Variants in HACE1 observed in about 807,000 individuals in gnomAD.
HACE1 encodes the protein HECT domain and ankyrin repeat containing E3 ubiquitin protein ligase 1.
Under a neutral mutation model 118.4 loss-of-function variants are expected in HACE1, and 73 were observed. The observed-to-expected ratio is 0.62, with a 90% CI of 0.51 to 0.75. The LOEUF is 0.75. Among genes scored for constraint, HACE1 ranks in the 30% least tolerant of loss-of-function variants. The pLI is 0.00. For synonymous variants in HACE1, 368 were observed against 374.8 expected, an observed-to-expected ratio of 0.98 and a Z score of 0.21; for missense variants, 749 against 1,102.2, an observed-to-expected ratio of 0.68 and a Z score of 4.54.
intron 19 of HACE1, among the ~76,000 whole-genome samples, chr6:104,752,069 T>C (rs921348062): frequency 2.6e-5 from 4 of 151,966 alleles, no homozygotes; most frequent in African/African-American, 9.7e-5. Context: ...AGTGTCACAG[T>C]AGATTCCATA....
At chr6:104,787,022 C>T (rs910704723) in intron 11 of HACE1, 1 of 152,190 alleles carries the variant, frequency 6.6e-6, no homozygotes, top group Non-Finnish European at 1.5e-5. Flanking sequence ...TTCAGCCTTT[C>T]TTCAGATTTC....
At chr6:104,751,562 C>T (rs948439473) in intron 19 of HACE1, among the ~76,000 whole-genome samples, 8 of 152,016 alleles carry the variant, frequency 5.3e-5, no homozygotes, top group African/African-American at 1.7e-4. Flanking sequence ...CCCAGGAGTT[C>T]GAGTCTGCAG....
intron 12 of HACE1, among the ~76,000 whole-genome samples, 195 bp from the exon 13 acceptor site, chr6:104,784,680 G>A (rs991745970): frequency 2.0e-5 from 3 of 151,988 alleles, no homozygotes; most frequent in African/African-American, 7.2e-5. Context: ...CTTCTCATCA[G>A]CAGACGATAT....
At chr6:104,789,623 A>G (rs1396709878) in intron 11 of HACE1, among the ~76,000 whole-genome samples, 1 of 152,162 alleles carries the variant, frequency 6.6e-6, no homozygotes, top group Admixed American at 6.5e-5. Context: ...TAAATCACCT[A>G]TAGAGAGGCT....
chr6:104,785,074 A>G lies in HACE1; in HGVS notation c.1320T>C (p.Asp440=). Reference sequence around the variant, plus strand: ...CTGTCATAGAAATAACATCCTGACAATCTGCACTGGCTTCCTGTCTCCCTG... The same window carrying G: ...CTGTCATAGAAATAACATCCTGACAGTCTGCACTGGCTTCCTGTCTCCCTG... ...ALAGRQEASA[D]CQDVISMTAN... Residue 440 remains aspartate (D), a synonymous_variant, in exon 12 of 24, where the codon GAT becomes GAC. Coordinates refer to ENST00000262903, the MANE Select transcript of HACE1 (RefSeq NM_020771.4). 3 of 1,613,822 alleles carry G rather than the reference A, an allele frequency of 1.9e-6. No homozygotes were observed. The highest frequency in any genetic ancestry group is 2.5e-6 in the Non-Finnish European group (3 of 1,179,860).
intron 1 of HACE1, among the ~76,000 whole-genome samples, chr6:104,855,652 G>A (rs1054058769): frequency 6.6e-6 from 1 of 151,932 alleles, no homozygotes; most frequent in African/African-American, 2.4e-5. Flanking sequence ...GTCACCACCA[G>A]GAGTTGAAAA....
chr6:104,742,865 A>G (rs1776927616), intron 22 of HACE1, among the ~76,000 whole-genome samples: 1 of 152,046 alleles, frequency 6.6e-6, no homozygotes, highest in South Asian at 2.1e-4. Flanking sequence ...ATGCACACAT[A>G]TGTTTATTGC....
intron 19 of HACE1, among the ~76,000 whole-genome samples, chr6:104,765,037 A>C (rs1338717161): frequency 1.3e-5 from 2 of 152,246 alleles, no homozygotes; most frequent in East Asian, 3.8e-4. Context: ...CAGTCTATGC[A>C]ACAAAGTGTT....
rs1771789531 is a variant in HACE1, at chr6:104,812,994, C to T, written c.535-1601G>A. ...AGGCTCTGGACTGGGAGACAAGACACACAGGTAGAGCAAAGATGAGGAGCC... is the reference window on the plus strand; with the variant it reads ...AGGCTCTGGACTGGGAGACAAGACATACAGGTAGAGCAAAGATGAGGAGCC... On this transcript the variant is annotated intron_variant, in intron 6 of 23. Coordinates refer to ENST00000262903, the MANE Select transcript of HACE1 (RefSeq NM_020771.4). Among the ~76,000 whole-genome samples, 2 of 87,750 alleles carry T rather than the reference C, an allele frequency of 2.3e-5. 1 individual carries two copies. The highest frequency in any genetic ancestry group is 5.7e-4 in the South Asian group (2 of 3,490). The allele number at this position is 87,750 out of a possible 152,430, so 57.6% of individuals were successfully genotyped here.
intron 5 of HACE1, among the ~76,000 whole-genome samples, chr6:104,840,764 G>C (rs193090262): frequency 5.0e-4 from 76 of 152,284 alleles, no homozygotes; most frequent in Non-Finnish European, 8.7e-4. Flanking sequence ...AGGAGTTCAA[G>C]ACCAGCCTGA....
intron 19 of HACE1, among the ~76,000 whole-genome samples, chr6:104,758,231 C>A (rs1778932797): frequency 6.6e-6 from 1 of 152,002 alleles, no homozygotes; most frequent in African/African-American, 2.4e-5. Flanking sequence ...AGAGCAACCC[C>A]AAGACATATA....
intron 22 of HACE1, among the ~76,000 whole-genome samples, chr6:104,738,869 G>C (rs1776265270): frequency 6.6e-6 from 1 of 151,108 alleles, no homozygotes; most frequent in Non-Finnish European, 1.5e-5. Context: ...ATAACTGTCA[G>C]ATTCACCAAA....
Position 104,784,132 on chromosome 6 carries a change from T to A in HACE1, c.1520A>T (p.Glu507Val), listed in dbSNP as rs201177284. Residue 507 changes from glutamate to valine, a missense_variant, in exon 14 of 24, where the codon GAA becomes GTA. Physicochemically the swap from Glu to Val is moderately radical, Grantham distance 121 (BLOSUM62 -2). This residue lies in a region of HACE1 where 195 missense variants were observed against 322.1 expected (regional missense o/e 0.61). Transcript: ENST00000262903. Reference protein sequence around the residue: ...IIFDHFHFLLECPELMSRFMH... With the variant: ...IIFDHFHFLLVCPELMSRFMH... ...GAATCTTGACATCAACTCAGGACAT[T>A]CAAGGAGAAAGTGAAAGTGGTCAAA... 20 of 1,603,190 alleles carry A rather than the reference T, an allele frequency of 1.2e-5. No homozygotes were observed. The highest frequency in any genetic ancestry group is 1.7e-5 in the Non-Finnish European group (20 of 1,170,368).
intron 14 of HACE1, among the ~76,000 whole-genome samples, chr6:104,781,989 A>G (rs558724367): frequency 7.3e-5 from 11 of 150,828 alleles, no homozygotes; most frequent in Non-Finnish European, 1.3e-4. Context: ...AAGCAGAGAC[A>G]GTATTAGGTT....
rs140136704 is a variant in HACE1 at position 104,808,820 on chromosome 6, G to A, written c.617+2491C>T. On this transcript the variant is annotated intron_variant, in intron 7 of 23. Coordinates refer to ENST00000262903, the MANE Select transcript of HACE1 (RefSeq NM_020771.4). ...AGATATCACAAGTAAAATTAAAAGT[G>A]TGCCTGCAGAAGAACCATGTTCCAT... Among the ~76,000 whole-genome samples, 719 of 152,216 alleles carry A rather than the reference G, an allele frequency of 4.7e-3. 4 individuals carry two copies. Among genetic ancestry groups the A allele is most frequent in the South Asian group, 0.012 (57 of 4,822 alleles).
intron 6 of HACE1, 132 bp downstream of exon 6, chr6:104,832,910 T>C: frequency 2.4e-6 from 2 of 833,086 alleles, no homozygotes; most frequent in Non-Finnish European, 2.0e-6. Context: ...AAAAAAAAAG[T>C]CCATATGATG....
chr6:104,755,553 A>C (rs1246005590), intron 19 of HACE1, among the ~76,000 whole-genome samples: 1 of 152,244 alleles, frequency 6.6e-6, no homozygotes, highest in Non-Finnish European at 1.5e-5. Flanking sequence ...TGGCAAATGC[A>C]AAAGAAATGA....
chr6:104,776,881 A>T, intron 16 of HACE1, 53 bp from the exon 17 acceptor site: 4 of 1,409,512 alleles, frequency 2.8e-6, no homozygotes, highest in Non-Finnish European at 4.0e-6. Context: ...ATATTGGGAA[A>T]TTTTTTTCTA....
intron 6 of HACE1, among the ~76,000 whole-genome samples, chr6:104,829,507 A>T (rs960471080): frequency 6.6e-6 from 1 of 152,170 alleles, no homozygotes; most frequent in African/African-American, 2.4e-5. Context: ...CTCTTGTCCT[A>T]ATTGAAAAAG....
Sources: allele counts gnomAD v4.1 joint callset (sites outside exome capture counted in the v4.1 genomes callset), GRCh38; gene constraint gnomAD v4.1.1; regional missense constraint gnomAD v4.1.1; transcripts MANE v1.5; gene names NCBI Gene and HGNC (gene_info 2026-07-23, HGNC 2026-07-21).